ANO6: variants seen among roughly 807,000 people sequenced by gnomAD.
The protein encoded by ANO6 is anoctamin-6.
Under a neutral mutation model 117.5 loss-of-function variants are expected in ANO6, and 106 were observed. That is an observed-to-expected ratio of 0.90 (90% CI 0.77 to 1.06). ANO6 has a LOEUF of 1.06. Ranked by LOEUF, ANO6 falls within the 50% of genes least tolerant of loss-of-function variation. The probability of loss-of-function intolerance (pLI) is 0.00; values close to 1 mark genes in which losing one functional copy is unlikely to be tolerated. For synonymous variants in ANO6, 367 were observed against 385.1 expected (o/e 0.95, Z 0.55); for missense variants, 955 against 1,121.1 (o/e 0.85, Z 2.12).
intron 8 of ANO6, among the ~76,000 whole-genome samples, chr12:45,367,074 C>T (rs1335716011): frequency 5.9e-5 from 9 of 152,142 alleles, no homozygotes; most frequent in African/African-American, 1.7e-4. Context: ...CTCCACCTCC[C>T]GGGTTCAAGC....
chr12:45,348,477 A>G lies in ANO6; in HGVS notation c.634-41A>G, dbSNP rs569799823. ...TAAACAATGATTGGATTGGTTAATT[A>G]CACTATATAAACCGCATACTCTATT... is the stretch of plus-strand genomic sequence containing the variant. On this transcript the variant is annotated intron_variant, in intron 5 of 19. Transcript: ENST00000320560. 131 of 1,548,868 alleles carry G rather than the reference A, an allele frequency of 8.5e-5. 2 individuals are homozygous for G. In the South Asian group the frequency reaches 1.4e-3, roughly 17 times the overall value.
At chr12:45,428,619 A>G (rs1434903132) in intron 19 of ANO6, among the ~76,000 whole-genome samples, 2 of 152,196 alleles carry the variant, frequency 1.3e-5, no homozygotes, top group African/African-American at 2.4e-5. Context: ...TGCATGCAGC[A>G]TCATAAAGGT....
rs564811084 is a variant in ANO6 at position 45,431,002 on chromosome 12, C to T, written c.*1691C>T. ...TTAGAGGCTTTTTACAATAAAGTAG[C>T]GTAACTCTAGGTCATGATTGATTTC... On this transcript the variant is annotated 3_prime_UTR_variant, in exon 20 of 20. Transcript: ENST00000320560. The T allele has an allele frequency of 1.1e-5, 11 of 985,346 alleles. 1 individual carries two copies. Among genetic ancestry groups the T allele is most frequent in the Admixed American group, 1.2e-4 (2 of 16,268 alleles). The allele number at this position is 985,346 out of a possible 1,614,324, so 61.0% of individuals were successfully genotyped here.
chr12:45,230,567 A>G (rs1947559515), intron 1 of ANO6, among the ~76,000 whole-genome samples: 1 of 151,828 alleles, frequency 6.6e-6, no homozygotes. Flanking sequence ...TCATTTAAAT[A>G]AAATTGCATT....
At chr12:45,228,468 C>T (rs923849894) in intron 1 of ANO6, among the ~76,000 whole-genome samples, 2 of 151,988 alleles carry the variant, frequency 1.3e-5, no homozygotes, top group Non-Finnish European at 2.9e-5. Flanking sequence ...ATGCATGCTC[C>T]TTTGTGTCAT....
chr12:45,325,253 A>C (rs1014757420), intron 2 of ANO6, among the ~76,000 whole-genome samples: 1 of 152,216 alleles, frequency 6.6e-6, no homozygotes, highest in African/African-American at 2.4e-5. Context: ...TTAAAAGTTT[A>C]GAAATGTAAT....
At chr12:45,253,180 A>C (rs539796371) in intron 1 of ANO6, among the ~76,000 whole-genome samples, 2 of 152,220 alleles carry the variant, frequency 1.3e-5, no homozygotes, top group Non-Finnish European at 2.9e-5. Context: ...AATTCAGGCT[A>C]TTTAATATCA....
chr12:45,397,587 A>G (rs148151892), intron 12 of ANO6, among the ~76,000 whole-genome samples: 66 of 152,360 alleles, frequency 4.3e-4, no homozygotes, highest in Middle Eastern at 3.4e-3. Flanking sequence ...AACCAACCCA[A>G]ATGTCCACCA....
chr12:45,269,035 C>T (rs533160865), intron 1 of ANO6, among the ~76,000 whole-genome samples: 2 of 152,296 alleles, frequency 1.3e-5, no homozygotes, highest in South Asian at 2.1e-4. Flanking sequence ...TTTGCAGACC[C>T]TCCAAGCTAA....
intron 8 of ANO6, among the ~76,000 whole-genome samples, chr12:45,359,096 T>G (rs1565717425): frequency 6.6e-6 from 1 of 152,244 alleles, no homozygotes. Flanking sequence ...TATGCCCCCT[T>G]TTAAAAATAA....
At chr12:45,412,085 C>T (rs1172213934) in intron 16 of ANO6, among the ~76,000 whole-genome samples, 1 of 152,202 alleles carries the variant, frequency 6.6e-6, no homozygotes, top group Non-Finnish European at 1.5e-5. Context: ...AATTTCCCAC[C>T]ATCCTTTGAG....
intron 15 of ANO6, among the ~76,000 whole-genome samples, chr12:45,406,560 CTCT>C (rs951042311): frequency 3.3e-5 from 5 of 151,872 alleles, no homozygotes; most frequent in African/African-American, 1.2e-4. Flanking sequence ...ACATAAACGC[CTCT>C]TCTTATATAA....
intron 16 of ANO6, among the ~76,000 whole-genome samples, chr12:45,415,496 A>G (rs1943191452): frequency 6.6e-6 from 1 of 152,204 alleles, no homozygotes; most frequent in African/African-American, 2.4e-5. Context: ...GACTCCACAC[A>G]TGGCTATTAC....
intron 2 of ANO6, among the ~76,000 whole-genome samples, chr12:45,304,200 A>G (rs1939590789): frequency 6.6e-6 from 1 of 152,210 alleles, no homozygotes; most frequent in Non-Finnish European, 1.5e-5. Flanking sequence ...CATGGTAAAC[A>G]AACAGAAGGT....
Position 45,266,805 on chromosome 12 carries a change from A to AGTGTGTGTGTGT in ANO6, c.71-35182_71-35171dup, listed in dbSNP as rs57682251. On this transcript the variant is annotated intron_variant, in intron 1 of 19. Coordinates refer to ENST00000320560, the MANE Select transcript of ANO6 (RefSeq NM_001025356.3). ...GAACAAGACCCTGTCTCAAAAAACA[A>AGTGTGTGTGTGT]GTGTGTGTGTGTGTGTGTGTGTGTG... is the stretch of plus-strand genomic sequence containing the variant. 5.1e-3 allele frequency among the ~76,000 whole-genome samples: 744 copies of AGTGTGTGTGTGT among 145,754 alleles called. 10 individuals carry two copies. Among genetic ancestry groups the AGTGTGTGTGTGT allele is most frequent in the African/African-American group, 0.016 (614 of 39,192 alleles).
intron 1 of ANO6, among the ~76,000 whole-genome samples, chr12:45,289,323 C>T (rs1003743106): frequency 6.6e-6 from 1 of 151,926 alleles, no homozygotes; most frequent in Non-Finnish European, 1.5e-5. Flanking sequence ...CCTGCCACCA[C>T]ACCTGGCTAA....
intron 1 of ANO6, among the ~76,000 whole-genome samples, chr12:45,237,793 GA>G (rs962939239): frequency 1.7e-4 from 26 of 152,288 alleles, no homozygotes; most frequent in Non-Finnish European, 3.5e-4. Flanking sequence ...GGATGGCATT[GA>G]ATCTGTAAAT....
chr12:45,314,561 T>C (rs970167017), intron 2 of ANO6, among the ~76,000 whole-genome samples: 3 of 151,514 alleles, frequency 2.0e-5, no homozygotes, highest in African/African-American at 7.3e-5. Context: ...TGTGTACATA[T>C]ACATATATGT....
chr12:45,430,613 T>G lies in ANO6; in HGVS notation c.*1302T>G, dbSNP rs1056139964. 2 of 985,242 alleles carry G rather than the reference T, an allele frequency of 2.0e-6. No individual in the cohort carries two copies. Among genetic ancestry groups the G allele is most frequent in the Non-Finnish European group, 1.2e-6 (1 of 829,920 alleles). 61.0% of individuals were successfully genotyped at this position (985,242 alleles called of 1,614,324 possible). A position where few individuals can be genotyped will look rare whatever the true frequency, so the allele number is the denominator to read the frequency against. On this transcript the variant is annotated 3_prime_UTR_variant, in exon 20 of 20. Transcript: ENST00000320560. Reference sequence around the variant, plus strand: ...TCAGATTAGATTTGATTTTTTAGCCTCCTCTAGAGCCAATCAGGCAGTTAA... The same window carrying G: ...TCAGATTAGATTTGATTTTTTAGCCGCCTCTAGAGCCAATCAGGCAGTTAA...
Sources: gnomAD v4.1 joint callset for allele counts (sites outside exome capture counted in the v4.1 genomes callset) on GRCh38, gnomAD v4.1.1 for gene constraint, MANE v1.5 for transcripts, NCBI Gene and HGNC (gene_info 2026-07-23, HGNC 2026-07-21) for gene names.